Variants in MYOM2 observed in about 807,000 individuals in gnomAD.
The protein encoded by MYOM2 is myomesin-2.
A neutral mutation model predicts 187.6 loss-of-function variants in MYOM2; 254 were observed. The observed-to-expected ratio is 1.35, with a 90% CI of 1.22 to 1.50. The LOEUF (loss-of-function observed/expected upper bound fraction) is 1.50, where lower values mean the gene tolerates loss of function less well. Among genes scored for constraint, MYOM2 ranks in the 40% most tolerant of loss-of-function variants. MYOM2 has a pLI of 0.00. For missense variants in MYOM2, 2,796 were observed against 1,924.0 expected, an observed-to-expected ratio of 1.45 and a Z score of -8.48; for synonymous variants, 981 against 753.8, an observed-to-expected ratio of 1.30 and a Z score of -4.94.
chr8:2,087,232 T>C (rs1425685525), intron 14 of MYOM2, among the ~76,000 whole-genome samples: 1 of 152,186 alleles, frequency 6.6e-6, no homozygotes, highest in Non-Finnish European at 1.5e-5. Context: ...TGTAATACAA[T>C]ATGTAGTATG....
At chr8:2,084,104 G>A (rs181143480) in intron 13 of MYOM2, among the ~76,000 whole-genome samples, 66 of 152,352 alleles carry the variant, frequency 4.3e-4, no homozygotes, top group African/African-American at 1.5e-3. Flanking sequence ...GTTACAGAAA[G>A]ATGAGTTTTC....
chr8:2,118,584 G>A (rs1215548996), intron 28 of MYOM2, among the ~76,000 whole-genome samples: 3 of 152,196 alleles, frequency 2.0e-5, no homozygotes, highest in Non-Finnish European at 4.4e-5. Flanking sequence ...GTGCCAAGGG[G>A]ACTAAGAATT....
chr8:2,107,517 C>T (rs1162726627), intron 23 of MYOM2, among the ~76,000 whole-genome samples: 1 of 152,108 alleles, frequency 6.6e-6, no homozygotes, highest in Non-Finnish European at 1.5e-5. Context: ...GTGCTGTGGG[C>T]TGGGCAGGAG....
intron 6 of MYOM2, among the ~76,000 whole-genome samples, chr8:2,068,780 G>A (rs1052950309): frequency 6.6e-6 from 1 of 152,182 alleles, no homozygotes; most frequent in African/African-American, 2.4e-5. Context: ...CCATGGTTCA[G>A]GGCCTCCCTG....
intron 31 of MYOM2, 128 bp from the exon 32 acceptor site, chr8:2,128,999 C>G (rs771973669): frequency 6.6e-6 from 4 of 606,928 alleles, no homozygotes; most frequent in Non-Finnish European, 1.2e-5. Context: ...GGCTGGCCGA[C>G]TTTATGAGAG....
At position 2,051,471 on chromosome 8, in the gene MYOM2, G is replaced by T. The variant is rs139226145; in HGVS notation, c.107+598G>T. ...CTTAATGGGCTGATTGGAAGGCTGT[G>T]GTGAAGGGAGGGAGGGACCGCGGGC... On this transcript the variant is annotated intron_variant, in intron 2 of 36. Coordinates refer to ENST00000262113, the MANE Select transcript of MYOM2 (RefSeq NM_003970.4). 2.6e-3 allele frequency among the ~76,000 whole-genome samples: 390 copies of T among 152,308 alleles called. 5 individuals carry two copies. The highest frequency in any genetic ancestry group is 8.9e-3 in the African/African-American group (370 of 41,588).
In MYOM2 at chr8:2,073,505, G is replaced by A. The variant is rs376173073; in HGVS notation, c.1120+5G>A. The A allele has an allele frequency of 1.7e-5, 27 of 1,594,044 alleles. No individual in the cohort carries two copies. Among genetic ancestry groups the A allele is most frequent in the Middle Eastern group, 1.7e-4 (1 of 5,752 alleles). On this transcript the variant is annotated splice_donor_5th_base_variant and intron_variant, in intron 10 of 36. Coordinates refer to ENST00000262113, the MANE Select transcript of MYOM2 (RefSeq NM_003970.4). ...GCGCCTTCCTGTTTGTCAGAGGTGC[G>A]GGCAGCAGGGTTCTCAGGGTGCAGA...
At chr8:2,097,796 C>A (rs1206887514) in intron 18 of MYOM2, among the ~76,000 whole-genome samples, 1 of 152,198 alleles carries the variant, frequency 6.6e-6, no homozygotes, top group African/African-American at 2.4e-5. Flanking sequence ...GGATTACAGG[C>A]GTGAGTCACT....
chr8:2,072,146 G>C (rs571240885), intron 8 of MYOM2, among the ~76,000 whole-genome samples, 199 bp from the exon 9 acceptor site: 3 of 152,222 alleles, frequency 2.0e-5, no homozygotes, highest in African/African-American at 7.2e-5. Context: ...TGCCCTAATG[G>C]CGTGAACCCG....
chr8:2,047,845 G>T (rs1423895848), intron 1 of MYOM2, among the ~76,000 whole-genome samples: 1 of 152,224 alleles, frequency 6.6e-6, no homozygotes, highest in East Asian at 1.9e-4. Flanking sequence ...CCTCACACAT[G>T]AAGTGTTTGA....
At position 2,085,143 on chromosome 8, in the gene MYOM2, C is replaced by A. The variant is rs993540208; in HGVS notation, c.1517-120C>A. ...GCATCTTTGGGGTTTGTTTGACTTC[C>A]CCAAATAGAAACAAAACAAGTTCAA... On this transcript the variant is annotated intron_variant, in intron 13 of 36. Coordinates refer to ENST00000262113, the MANE Select transcript of MYOM2 (RefSeq NM_003970.4). 9 of 1,292,994 alleles carry A rather than the reference C, an allele frequency of 7.0e-6. No individual in the cohort carries two copies. In the East Asian group the frequency reaches 1.7e-4, roughly 24 times the overall value. 80.1% of individuals were successfully genotyped at this position (1,292,994 alleles called of 1,614,324 possible). A position where few individuals can be genotyped will look rare whatever the true frequency, so the allele number is the denominator to read the frequency against.
At chr8:2,138,440 C>A (rs3779819) in intron 32 of MYOM2, among the ~76,000 whole-genome samples, 1 of 152,062 alleles carries the variant, frequency 6.6e-6, no homozygotes, top group African/African-American at 2.4e-5. Context: ...ATTCCAGATG[C>A]GGGACTGAGA....
chr8:2,111,647 C>T (rs1797071331), intron 25 of MYOM2, among the ~76,000 whole-genome samples: 1 of 152,210 alleles, frequency 6.6e-6, no homozygotes, highest in African/African-American at 2.4e-5. Flanking sequence ...GGTGTATCCA[C>T]TGGAATCTCA....
intron 1 of MYOM2, among the ~76,000 whole-genome samples, chr8:2,045,425 T>C (rs1175928115): frequency 1.3e-5 from 2 of 152,228 alleles, no homozygotes; most frequent in East Asian, 3.9e-4. Flanking sequence ...TTTAGCACCC[T>C]GCGGCGTGTG....
chr8:2,097,379 G>T (rs1410189224), intron 18 of MYOM2, among the ~76,000 whole-genome samples: 1 of 152,006 alleles, frequency 6.6e-6, no homozygotes, highest in Non-Finnish European at 1.5e-5. Context: ...AATAATAATT[G>T]TACGTATGGG....
chr8:2,088,370 G>A (rs896134051), intron 14 of MYOM2, among the ~76,000 whole-genome samples: 16 of 152,236 alleles, frequency 1.1e-4, no homozygotes, highest in African/African-American at 3.6e-4. Flanking sequence ...TCGAGGTGCA[G>A]TTGATCTCGT....
rs117781899 is a variant in MYOM2 at position 2,117,138 on chromosome 8, C to T, written c.3386-747C>T. Among the ~76,000 whole-genome samples, 682 of 150,036 alleles carry T rather than the reference C, an allele frequency of 4.5e-3. 3 individuals are homozygous for T. The highest frequency in any genetic ancestry group is 7.4e-3 in the Non-Finnish European group (498 of 67,694). Reference sequence around the variant, plus strand: ...GAATGTGAATTATGAAACATAAAATCAAAACATTCATTTTTATTATTTTTC... The same window carrying T: ...GAATGTGAATTATGAAACATAAAATTAAAACATTCATTTTTATTATTTTTC... On this transcript the variant is annotated intron_variant, in intron 27 of 36. Coordinates refer to ENST00000262113, the MANE Select transcript of MYOM2 (RefSeq NM_003970.4).
chr8:2,133,681 G>A (rs966070578), intron 32 of MYOM2, among the ~76,000 whole-genome samples: 4 of 152,110 alleles, frequency 2.6e-5, no homozygotes, highest in South Asian at 4.1e-4. Context: ...GGCCGGTCTC[G>A]AACTCCTGAC....
chr8:2,083,426 A>G (rs74774035), intron 13 of MYOM2, among the ~76,000 whole-genome samples: 40,185 of 150,460 alleles, frequency 0.27, 5,457 homozygotes, highest in East Asian at 0.34. Flanking sequence ...TGTGCTTAGC[A>G]GTATCTCATG....
Sources: allele counts gnomAD v4.1 joint callset (sites outside exome capture counted in the v4.1 genomes callset), GRCh38; gene constraint gnomAD v4.1.1; transcripts MANE v1.5; gene names NCBI Gene and HGNC (gene_info 2026-07-23, HGNC 2026-07-21).